MTUS2: variants seen among roughly 807,000 people sequenced by gnomAD.
MTUS2 encodes the protein microtubule-associated tumor suppressor candidate 2.
A neutral mutation model predicts 114.1 loss-of-function variants in MTUS2; 40 were observed. That is an observed-to-expected ratio of 0.35 (90% CI 0.27 to 0.46). The LOEUF is 0.46. Ranked by LOEUF, MTUS2 falls within the 20% of genes least tolerant of loss-of-function variation. The pLI is 1.00. For synonymous variants in MTUS2, 688 were observed against 672.0 expected (o/e 1.02, Z -0.37); for missense variants, 1,679 against 1,705.4 (o/e 0.98, Z 0.27).
intron 8 of MTUS2, among the ~76,000 whole-genome samples, chr13:29,392,055 G>A (rs1873521741): frequency 1.3e-5 from 2 of 150,796 alleles, no homozygotes; most frequent in Admixed American, 1.3e-4. Flanking sequence ...TTGAACCCAG[G>A]AGGTGGAGGT....
chr13:29,068,733 G>T (rs970029689), intron 4 of MTUS2, among the ~76,000 whole-genome samples: 16 of 152,134 alleles, frequency 1.1e-4, no homozygotes, highest in Admixed American at 3.3e-4. Flanking sequence ...GGAAGAAAGG[G>T]TGCTTCAGAC....
chr13:29,031,659 T>A (rs1383988792), intron 3 of MTUS2, among the ~76,000 whole-genome samples: 1 of 152,076 alleles, frequency 6.6e-6, no homozygotes, highest in Non-Finnish European at 1.5e-5. Flanking sequence ...AAGGGTCTGC[T>A]GCTTTATTCA....
rs139150149 is a variant in MTUS2 at position 29,307,408 on chromosome 13, A to G, written c.2807-17205A>G. 1,512 of 1,107,892 alleles carry G rather than the reference A, an allele frequency of 1.4e-3. 17 individuals are homozygous for G. In the African/African-American group the frequency reaches 0.021, roughly 15 times the overall value. 68.6% of individuals were successfully genotyped at this position (1,107,892 alleles called of 1,614,324 possible). ...TCTCCAGAACATCATCCCTGCCCCT[A>G]GTGACGCTGCCAAGGCTGTGGCCAA... On this transcript the variant is annotated intron_variant, in intron 6 of 15. Coordinates refer to ENST00000612955, the MANE Select transcript of MTUS2 (RefSeq NM_001033602.4).
chr13:29,293,745 G>A (rs1898816844), intron 6 of MTUS2, among the ~76,000 whole-genome samples: 1 of 152,010 alleles, frequency 6.6e-6, no homozygotes, highest in Non-Finnish European at 1.5e-5. Flanking sequence ...AAATGCTTAT[G>A]TAGTTATTAA....
intron 6 of MTUS2, among the ~76,000 whole-genome samples, chr13:29,297,338 T>G (rs530090808): frequency 5.9e-5 from 9 of 152,330 alleles, no homozygotes; most frequent in African/African-American, 2.2e-4. Flanking sequence ...CTTATTTCCT[T>G]TTTAAAAAAG....
At chr13:28,937,521 T>C (rs1881972874) in intron 2 of MTUS2, among the ~76,000 whole-genome samples, 1 of 152,114 alleles carries the variant, frequency 6.6e-6, no homozygotes. Context: ...GTCCCTGCTC[T>C]CTTTAAGAGC....
At position 29,505,616 on chromosome 13, in the gene MTUS2, G is replaced by A. The variant is rs1013256670; in HGVS notation, c.*2410G>A. 5.6e-5 allele frequency: 13 copies of A among 231,758 alleles called. No homozygotes were observed. The highest frequency in any genetic ancestry group is 5.1e-4 in the Admixed American group (9 of 17,750). The allele number at this position is 231,758 out of a possible 1,614,324, so 14.4% of individuals were successfully genotyped here. ...GAATTCGGATTTCTCTCCACGTGGC[G>A]TCTGCCTCTGTCCCCTTCCAGGCTG... On this transcript the variant is annotated 3_prime_UTR_variant, in exon 16 of 16. Coordinates refer to ENST00000612955, the MANE Select transcript of MTUS2 (RefSeq NM_001033602.4).
intron 4 of MTUS2, among the ~76,000 whole-genome samples, chr13:29,037,217 A>T (rs184668096): frequency 6.6e-6 from 1 of 152,294 alleles, no homozygotes; most frequent in African/African-American, 2.4e-5. Context: ...TGGTGACACA[A>T]TCTCTCAGCA....
intron 8 of MTUS2, among the ~76,000 whole-genome samples, chr13:29,373,053 G>A (rs1871318683): frequency 6.6e-6 from 1 of 152,216 alleles, no homozygotes; most frequent in South Asian, 2.1e-4. Flanking sequence ...CTTGAAGTCA[G>A]TTCAGCTTGA....
intron 2 of MTUS2, among the ~76,000 whole-genome samples, chr13:28,956,698 G>A (rs1566250811): frequency 6.6e-6 from 1 of 152,226 alleles, no homozygotes; most frequent in Non-Finnish European, 1.5e-5. Context: ...GGGAGATAGA[G>A]GGAGTGAGGG....
intron 3 of MTUS2, among the ~76,000 whole-genome samples, chr13:29,027,740 A>G (rs975137344): frequency 5.9e-5 from 9 of 152,038 alleles, no homozygotes. Flanking sequence ...TTTAGTAGAG[A>G]TGGGGTTTCA....
At chr13:29,294,400 C>A (rs992556929) in intron 6 of MTUS2, among the ~76,000 whole-genome samples, 7 of 152,078 alleles carry the variant, frequency 4.6e-5, no homozygotes, top group Non-Finnish European at 4.4e-5. Flanking sequence ...CTGCTTGTCT[C>A]CTGTTCATTT....
In MTUS2 at chr13:29,002,016, G is replaced by T. The variant is rs930163164; in HGVS notation, c.-242-22441G>T. ...GGATTCTTCCTGGAGTGTCCAGAAA[G>T]AATGCGGCCCTGCCAGTGCCATGAC... On this transcript the variant is annotated intron_variant, in intron 2 of 15. Transcript: ENST00000612955. Among the ~76,000 whole-genome samples, 4 of 152,178 alleles carry T rather than the reference G, an allele frequency of 2.6e-5. No individual in the cohort carries two copies. The South Asian group carries it at 6.2e-4, about 24-fold the overall frequency.
At chr13:29,207,070 T>A (rs1304407313) in intron 5 of MTUS2, among the ~76,000 whole-genome samples, 1 of 152,220 alleles carries the variant, frequency 6.6e-6, no homozygotes, top group East Asian at 1.9e-4. Flanking sequence ...GTTTGTGTCA[T>A]CTGTGATTTT....
chr13:29,454,092 C>T (rs1049435534), intron 9 of MTUS2, among the ~76,000 whole-genome samples: 2 of 152,064 alleles, frequency 1.3e-5, no homozygotes, highest in African/African-American at 2.4e-5. Context: ...TTTTCTTTTT[C>T]GGTCAAAGGA....
chr13:29,229,155 G>T (rs551628233), intron 5 of MTUS2, among the ~76,000 whole-genome samples: 54 of 151,932 alleles, frequency 3.6e-4, no homozygotes, highest in Non-Finnish European at 7.5e-4. Flanking sequence ...TGGCTCCCCT[G>T]TCTTTCATGC....
intron 2 of MTUS2, among the ~76,000 whole-genome samples, chr13:28,873,306 C>G (rs1877733925): frequency 6.6e-6 from 1 of 152,194 alleles, no homozygotes; most frequent in Non-Finnish European, 1.5e-5. Flanking sequence ...TGATGTTTTT[C>G]TCACATCTCT....
chr13:28,850,244 A>T (rs115864307), intron 2 of MTUS2, among the ~76,000 whole-genome samples: 193 of 152,334 alleles, frequency 1.3e-3, no homozygotes, highest in African/African-American at 4.5e-3. Flanking sequence ...ATAGACAAAA[A>T]TGTAAATGTC....
intron 2 of MTUS2, among the ~76,000 whole-genome samples, chr13:28,848,700 C>T (rs1468011419): frequency 6.6e-6 from 1 of 152,072 alleles, no homozygotes; most frequent in African/African-American, 2.4e-5. Flanking sequence ...TCTAGCCCCA[C>T]CCTATTCCCT....
Sources: gnomAD v4.1 joint callset for allele counts (sites outside exome capture counted in the v4.1 genomes callset) on GRCh38, gnomAD v4.1.1 for gene constraint, MANE v1.5 for transcripts, NCBI Gene and HGNC (gene_info 2026-07-23, HGNC 2026-07-21) for gene names.